The following MALRD1 variants were observed in gnomAD, a reference collection of about 807,000 sequenced individuals.
MALRD1 encodes MAM and LDL receptor class A domain containing 1, also known as MAM and LDL-receptor class A domain-containing protein 1.
Under a neutral mutation model 242.1 loss-of-function variants are expected in MALRD1, and 247 were observed. That is an observed-to-expected ratio of 1.02 (90% CI 0.92 to 1.13). MALRD1 has a LOEUF of 1.13. MALRD1 is among the 50% of genes most tolerant of loss of function. MALRD1 has a pLI of 0.00. For missense variants in MALRD1, 2,989 were observed against 2,533.1 expected (o/e 1.18, Z -3.86); for synonymous variants, 995 against 866.6 (o/e 1.15, Z -2.60).
chr10:19,524,453 G>C (rs1347406231), intron 31 of MALRD1, among the ~76,000 whole-genome samples: 1 of 151,412 alleles, frequency 6.6e-6, no homozygotes, highest in Non-Finnish European at 1.5e-5. Context: ...CTGCAGCCTG[G>C]GAGACAGAGT....
intron 29 of MALRD1, among the ~76,000 whole-genome samples, chr10:19,477,549 G>T (rs1836796063): frequency 6.6e-6 from 1 of 152,144 alleles, no homozygotes; most frequent in Non-Finnish European, 1.5e-5. Context: ...CAAACACCTG[G>T]GGTTCATTGT....
At chr10:19,640,541 A>G (rs1456827456) in intron 36 of MALRD1, among the ~76,000 whole-genome samples, 1 of 152,160 alleles carries the variant, frequency 6.6e-6, no homozygotes, top group Non-Finnish European at 1.5e-5. Context: ...ATTTCAAAAA[A>G]GTTGCTAATT....
intron 14 of MALRD1, among the ~76,000 whole-genome samples, chr10:19,189,154 A>G (rs959467008): frequency 6.6e-6 from 1 of 152,098 alleles, no homozygotes; most frequent in Non-Finnish European, 1.5e-5. Context: ...AATAAAAAAG[A>G]TTATAAGATT....
chr10:19,675,173 T>A (rs1159796345), intron 36 of MALRD1, among the ~76,000 whole-genome samples: 1 of 152,158 alleles, frequency 6.6e-6, no homozygotes, highest in Admixed American at 6.5e-5. Context: ...TGACTACCAA[T>A]TCAAATGAAA....
intron 29 of MALRD1, among the ~76,000 whole-genome samples, chr10:19,466,894 C>T (rs933342412): frequency 2.0e-5 from 3 of 151,990 alleles, no homozygotes; most frequent in Non-Finnish European, 2.9e-5. Flanking sequence ...TTTTCACTGA[C>T]GTCATAACTC....
At chr10:19,443,088 T>C (rs1834762963) in intron 28 of MALRD1, among the ~76,000 whole-genome samples, 1 of 152,238 alleles carries the variant, frequency 6.6e-6, no homozygotes, top group African/African-American at 2.4e-5. Context: ...TCTTCTAGAT[T>C]TTCTAGTTTA....
chr10:19,548,881 G>A (rs954734491), intron 32 of MALRD1, among the ~76,000 whole-genome samples: 5 of 152,168 alleles, frequency 3.3e-5, no homozygotes, highest in African/African-American at 1.2e-4. Context: ...GCTTAGTGAG[G>A]AAAGCATGTC....
At chr10:19,398,967 C>A (rs999224810) in intron 28 of MALRD1, among the ~76,000 whole-genome samples, 9 of 152,210 alleles carry the variant, frequency 5.9e-5, no homozygotes, top group Admixed American at 1.3e-4. Context: ...TCAGCAACTT[C>A]CATACTGGCT....
chr10:19,122,882 C>T (rs554105826), intron 5 of MALRD1, among the ~76,000 whole-genome samples: 9 of 152,170 alleles, frequency 5.9e-5, no homozygotes, highest in Admixed American at 1.3e-4. Context: ...CCTGCCACCA[C>T]GCCCAGATAA....
In MALRD1 at chr10:19,125,294, C is replaced by CA. The variant is rs1837222989; in HGVS notation, c.943+624_943+625insA. On this transcript the variant is annotated intron_variant, in intron 7 of 39. Coordinates refer to ENST00000454679, the MANE Select transcript of MALRD1 (RefSeq NM_001142308.3). Reference sequence around the variant, plus strand: ...CTTTCTTTCTTTCTTTCTTTCTTTCCTTCCTTCCTTCCTTCCTTCCTTCCT... The same window carrying CA: ...CTTTCTTTCTTTCTTTCTTTCTTTCCATTCCTTCCTTCCTTCCTTCCTTCCT... Among the ~76,000 whole-genome samples, 5 of 38,638 alleles carry CA rather than the reference C, an allele frequency of 1.3e-4. No homozygotes were observed. The Admixed American group carries it at 1.3e-3, about 10-fold the overall frequency. 25.3% of individuals were successfully genotyped at this position (38,638 alleles called of 152,430 possible).
intron 18 of MALRD1, among the ~76,000 whole-genome samples, chr10:19,247,315 C>G (rs1839102580): frequency 6.6e-6 from 1 of 152,014 alleles, no homozygotes; most frequent in Non-Finnish European, 1.5e-5. Flanking sequence ...TAAAAATATT[C>G]TCAACATTCA....
At chr10:19,366,057 A>G (rs941839033) in intron 26 of MALRD1, among the ~76,000 whole-genome samples, 7 of 151,938 alleles carry the variant, frequency 4.6e-5, no homozygotes, top group Non-Finnish European at 1.0e-4. Flanking sequence ...TTTTCCACAT[A>G]CTGGGGAGTA....
rs767384867 is a variant in MALRD1, at chr10:19,148,788, AATATAT to A, written c.1558+2461_1558+2466del. Among the ~76,000 whole-genome samples the A allele has an allele frequency of 1.4e-3, 121 of 88,044 alleles. 1 individual carries two copies. The highest frequency in any genetic ancestry group is 7.0e-3 in the Middle Eastern group (1 of 142). The allele number at this position is 88,044 out of a possible 152,430, so 57.8% of individuals were successfully genotyped here. A position where few individuals can be genotyped will look rare whatever the true frequency, so the allele number is the denominator to read the frequency against. On this transcript the variant is annotated intron_variant, in intron 11 of 39. Coordinates refer to ENST00000454679, the MANE Select transcript of MALRD1 (RefSeq NM_001142308.3). ...AAGGGCCAATTAAAAAAAAAAAAAA[AATATAT>A]ATATATATATATATATCTGGATCAC...
At chr10:19,052,327 G>A (rs966445814) in intron 1 of MALRD1, among the ~76,000 whole-genome samples, 34 of 152,116 alleles carry the variant, frequency 2.2e-4, no homozygotes, top group African/African-American at 8.0e-4. Flanking sequence ...CCATTCAAAG[G>A]AAATTTATCT....
At chr10:19,342,509 C>A (rs759712105) in intron 24 of MALRD1, among the ~76,000 whole-genome samples, 1 of 152,010 alleles carries the variant, frequency 6.6e-6, no homozygotes, top group Non-Finnish European at 1.5e-5. Flanking sequence ...ATTTGCATTT[C>A]TTGAGAGTTA....
At chr10:19,573,890 T>C (rs1268692144) in intron 33 of MALRD1, among the ~76,000 whole-genome samples, 2 of 152,150 alleles carry the variant, frequency 1.3e-5, no homozygotes, top group South Asian at 4.1e-4. Flanking sequence ...ATTAACATTA[T>C]GGGCACTTAT....
At chr10:19,114,240 A>G (rs898997521) in intron 5 of MALRD1, among the ~76,000 whole-genome samples, 5 of 152,228 alleles carry the variant, frequency 3.3e-5, no homozygotes, top group African/African-American at 9.6e-5. Context: ...TGGGCCAAGC[A>G]TTTCCCATAT....
intron 2 of MALRD1, among the ~76,000 whole-genome samples, chr10:19,076,207 CTGT>C (rs529632205): frequency 9.2e-4 from 140 of 152,134 alleles, no homozygotes; most frequent in Non-Finnish European, 1.2e-3. Context: ...CTTGCCCCTA[CTGT>C]CCTAGCCTGT....
At chr10:19,719,244 A>ATGTG (rs1554830473) in intron 38 of MALRD1, among the ~76,000 whole-genome samples, 11 of 96,934 alleles carry the variant, frequency 1.1e-4, no homozygotes, top group Non-Finnish European at 1.9e-4. Flanking sequence ...ATATATATAT[A>ATGTG]TATATATATA....
Sources: allele counts gnomAD v4.1 joint callset (sites outside exome capture counted in the v4.1 genomes callset), GRCh38; gene constraint gnomAD v4.1.1; transcripts MANE v1.5; gene names NCBI Gene and HGNC (gene_info 2026-07-23, HGNC 2026-07-21).